The following CALN1 variants were observed in gnomAD, a reference collection of about 807,000 sequenced individuals.
CALN1 encodes the protein calneuron 1.
Under a neutral mutation model 30.6 loss-of-function variants are expected in CALN1, and 17 were observed. The observed-to-expected ratio is 0.56, with a 90% CI of 0.38 to 0.83. The LOEUF is 0.83. CALN1 is among the 40% of genes least tolerant of loss of function. The probability of loss-of-function intolerance (pLI) is 0.00; values close to 1 mark genes in which losing one functional copy is unlikely to be tolerated. For missense variants in CALN1, 291 were observed against 354.9 expected, an observed-to-expected ratio of 0.82 and a Z score of 1.45; for synonymous variants, 156 against 131.4, an observed-to-expected ratio of 1.19 and a Z score of -1.28.
chr7:71,997,209 G>A (rs1373749464), intron 5 of CALN1, among the ~76,000 whole-genome samples: 1 of 151,648 alleles, frequency 6.6e-6, no homozygotes, highest in Non-Finnish European at 1.5e-5. Flanking sequence ...CTCCAGCCTG[G>A]GCTACAGAGC....
chr7:72,334,484 C>T (rs1427592077), intron 2 of CALN1, among the ~76,000 whole-genome samples: 1 of 152,168 alleles, frequency 6.6e-6, no homozygotes, highest in African/African-American at 2.4e-5. Flanking sequence ...AAATGTAAAA[C>T]TCAACAATGA....
intron 3 of CALN1, among the ~76,000 whole-genome samples, chr7:72,220,282 A>G (rs1231140998): frequency 6.8e-6 from 1 of 147,394 alleles, no homozygotes; most frequent in African/African-American, 2.5e-5. Context: ...ATGAGTGAGA[A>G]CATGTGGTGT....
intron 3 of CALN1, among the ~76,000 whole-genome samples, chr7:72,202,799 G>A (rs1425391861): frequency 6.6e-6 from 1 of 152,142 alleles, no homozygotes; most frequent in African/African-American, 2.4e-5. Context: ...ACAGTGTGGC[G>A]ATTCCTCAAG....
intron 2 of CALN1, among the ~76,000 whole-genome samples, chr7:72,351,219 T>C (rs952952508): frequency 1.3e-5 from 2 of 152,124 alleles, no homozygotes; most frequent in Non-Finnish European, 2.9e-5. Context: ...AAATAATTTA[T>C]AGGCCAGGAA....
chr7:71,823,583 T>C (rs1305904554), intron 5 of CALN1, among the ~76,000 whole-genome samples: 2 of 152,084 alleles, frequency 1.3e-5, no homozygotes, highest in East Asian at 1.9e-4. Flanking sequence ...CCGGGCATGG[T>C]GGCAGGCGCC....
At chr7:72,305,719 C>T (rs551482086) in intron 2 of CALN1, among the ~76,000 whole-genome samples, 1 of 152,118 alleles carries the variant, frequency 6.6e-6, no homozygotes, top group East Asian at 1.9e-4. Context: ...CTCAGGTTAC[C>T]GTAACAAAAG....
At chr7:72,109,496 C>A (rs1400677900) in intron 3 of CALN1, among the ~76,000 whole-genome samples, 1 of 152,232 alleles carries the variant, frequency 6.6e-6, no homozygotes, top group Non-Finnish European at 1.5e-5. Flanking sequence ...TTCTTTCCAT[C>A]AATGGTATAG....
intron 3 of CALN1, among the ~76,000 whole-genome samples, chr7:72,164,909 G>A (rs1788411785): frequency 1.3e-5 from 2 of 151,574 alleles, no homozygotes; most frequent in Non-Finnish European, 2.9e-5. Flanking sequence ...TGCCCAAACT[G>A]ACCTCAGACT....
chr7:72,465,981 C>T, the CALN1 span, among the ~76,000 whole-genome samples: 14 of 152,114 alleles, frequency 9.2e-5, no homozygotes, highest in Non-Finnish European at 1.6e-4. Context: ...AAAAGCAAAT[C>T]AGAGTAGAAC....
chr7:72,287,764 T>A (rs1798187338), intron 2 of CALN1, among the ~76,000 whole-genome samples: 1 of 152,102 alleles, frequency 6.6e-6, no homozygotes, highest in African/African-American at 2.4e-5. Context: ...TTTTAACTGC[T>A]CAACAGTTTT....
chr7:71,922,938 GAT>G (rs1227259532), intron 5 of CALN1, among the ~76,000 whole-genome samples: 4 of 147,196 alleles, frequency 2.7e-5, no homozygotes, highest in African/African-American at 1.0e-4. Context: ...TGTGCTTATA[GAT>G]ATATGATATG....
chr7:72,167,779 A>T (rs937593622), intron 3 of CALN1, among the ~76,000 whole-genome samples: 5 of 152,252 alleles, frequency 3.3e-5, no homozygotes, highest in African/African-American at 1.2e-4. Flanking sequence ...GACATCAAAC[A>T]TCCTAATTTC....
intron 5 of CALN1, among the ~76,000 whole-genome samples, chr7:71,961,101 G>A (rs908677880): frequency 2.6e-5 from 4 of 152,224 alleles, no homozygotes; most frequent in African/African-American, 9.6e-5. Context: ...ACAGGCATGA[G>A]CCACTGCTCA....
At chr7:72,451,175 G>C (rs1301448326), upstream of CALN1, among the ~76,000 whole-genome samples, 1 of 146,206 alleles carries the variant, frequency 6.8e-6, no homozygotes, top group Non-Finnish European at 1.5e-5. Context: ...AGGAGGAGGA[G>C]GAGCAGGAGG....
intron 5 of CALN1, among the ~76,000 whole-genome samples, chr7:71,987,112 C>A (rs1367759513): frequency 2.0e-5 from 3 of 150,124 alleles, no homozygotes; most frequent in Admixed American, 6.6e-5. Flanking sequence ...GGTGACAGAG[C>A]GAAGCTTCGT....
chr7:71,938,954 A>G (rs559835471), intron 5 of CALN1, among the ~76,000 whole-genome samples: 1 of 152,262 alleles, frequency 6.6e-6, no homozygotes, highest in East Asian at 1.9e-4. Flanking sequence ...TTCATCATCA[A>G]TTCAATGCAT....
intron 3 of CALN1, among the ~76,000 whole-genome samples, chr7:72,271,033 T>G (rs1396420124): frequency 6.6e-6 from 1 of 152,158 alleles, no homozygotes; most frequent in Admixed American, 6.5e-5. Context: ...AGATTGTATG[T>G]AAGGACCAAG....
chr7:71,994,839 C>T (rs1256697089), intron 5 of CALN1, among the ~76,000 whole-genome samples: 2 of 148,620 alleles, frequency 1.3e-5, no homozygotes, highest in East Asian at 2.0e-4. Flanking sequence ...AAGAACCTGG[C>T]TGCCCCTTCC....
chr7:72,356,105 C>G (rs1803207402), intron 2 of CALN1, among the ~76,000 whole-genome samples: 1 of 152,044 alleles, frequency 6.6e-6, no homozygotes, highest in South Asian at 2.1e-4. Flanking sequence ...TAGATATGCA[C>G]AATTATTCTG....
Sources: allele counts gnomAD v4.1 joint callset (sites outside exome capture counted in the v4.1 genomes callset), GRCh38; gene constraint gnomAD v4.1.1; transcripts MANE v1.5; gene names NCBI Gene and HGNC (gene_info 2026-07-23, HGNC 2026-07-21).